The following PMFBP1 variants were observed in gnomAD, a reference collection of about 807,000 sequenced individuals.
The protein encoded by PMFBP1 is polyamine modulated factor 1 binding protein 1.
Under a neutral mutation model 137.8 loss-of-function variants are expected in PMFBP1, and 131 were observed. The observed-to-expected ratio is 0.95, with a 90% CI of 0.82 to 1.10. PMFBP1 has a LOEUF of 1.10. Among genes scored for constraint, PMFBP1 ranks in the 50% least tolerant of loss-of-function variants. The pLI is 0.00. For synonymous variants in PMFBP1, 490 were observed against 450.4 expected (o/e 1.09, Z -1.11); for missense variants, 1,199 against 1,175.4 (o/e 1.02, Z -0.29).
rs760410785 is a variant in PMFBP1 at position 72,130,531 on chromosome 16, A to C, written c.1637+2T>G. 1.2e-6 allele frequency: 2 copies of C among 1,613,934 alleles called. No individual in the cohort carries two copies. Among genetic ancestry groups the C allele is most frequent in the Non-Finnish European group, 1.7e-6 (2 of 1,179,938 alleles). Reference sequence around the variant, plus strand: ...TCTGGAGGGGAGCCTGAGCCTGGGCACCTGTTGGAGGTTTGTTCCTTCTCA... The same window carrying C: ...TCTGGAGGGGAGCCTGAGCCTGGGCCCCTGTTGGAGGTTTGTTCCTTCTCA... On this transcript the variant is annotated splice_donor_variant, in intron 11 of 20. Coordinates refer to ENST00000237353, the MANE Select transcript of PMFBP1 (RefSeq NM_031293.3). LOFTEE classifies it high-confidence loss of function.
intron 20 of PMFBP1, 81 bp from the exon 21 acceptor site, chr16:72,119,435 C>T: frequency 6.2e-7 from 1 of 1,611,936 alleles, no homozygotes; most frequent in Non-Finnish European, 8.5e-7. Flanking sequence ...GCCGCATGGC[C>T]AGGCAGCTCT....
At position 72,132,895 on chromosome 16, in the gene PMFBP1, G is replaced by C. The variant is rs1417903326; in HGVS notation, c.1300C>G (p.Gln434Glu). Residue 434 changes from glutamine to glutamate, a missense_variant, in exon 10 of 21, where the codon CAG becomes GAG. Gln to Glu is a conservative substitution (Grantham distance 29). Coordinates refer to ENST00000237353, the MANE Select transcript of PMFBP1 (RefSeq NM_031293.3). ...TCAAGTTCTGTGGCCATGCACTGCTGCTTCTCCAGCTCCTTCTCCTTTTTC... is the reference window on the plus strand; with the variant it reads ...TCAAGTTCTGTGGCCATGCACTGCTCCTTCTCCAGCTCCTTCTCCTTTTTC... ...LLKKEKELEK[Q>E]QCMATELEMT... 6.2e-7 allele frequency: 1 copy of C among 1,614,204 alleles called. No homozygotes were observed. Among genetic ancestry groups the C allele is most frequent in the South Asian group, 1.1e-5 (1 of 91,090 alleles).
chr16:72,174,834 T>C (rs1373856238), upstream of PMFBP1, among the ~76,000 whole-genome samples: 2 of 152,036 alleles, frequency 1.3e-5, no homozygotes, highest in East Asian at 3.9e-4. Flanking sequence ...TCCCACCAGC[T>C]CCCTATCACA....
chr16:72,171,573 C>T, intron 1 of PMFBP1: 1 of 276,308 alleles, frequency 3.6e-6, no homozygotes, highest in African/African-American at 2.2e-5. Context: ...TTTCTATGTA[C>T]TCTATGGCTC....
the PMFBP1 span, among the ~76,000 whole-genome samples, chr16:72,200,604 G>C: frequency 6.6e-6 from 1 of 152,198 alleles, no homozygotes; most frequent in African/African-American, 2.4e-5. Flanking sequence ...TTTTATTCCT[G>C]ATGAATTGCA....
At chr16:72,249,658 T>G in the PMFBP1 span, among the ~76,000 whole-genome samples, 5 of 151,660 alleles carry the variant, frequency 3.3e-5, no homozygotes, top group Non-Finnish European at 7.4e-5. Flanking sequence ...GTCTCACGCC[T>G]GTAATCCCAA....
chr16:72,249,387 G>T, the PMFBP1 span, among the ~76,000 whole-genome samples: 2 of 150,796 alleles, frequency 1.3e-5, no homozygotes, highest in African/African-American at 2.4e-5. Context: ...AAAAAGTATT[G>T]TATGTGTGAA....
the PMFBP1 span, among the ~76,000 whole-genome samples, chr16:72,206,290 C>T: frequency 2.0e-5 from 3 of 152,124 alleles, no homozygotes; most frequent in Non-Finnish European, 4.4e-5. Flanking sequence ...CATAGAATGT[C>T]TGACAATAGA....
At chr16:72,181,221 G>C (rs924032619), upstream of PMFBP1, among the ~76,000 whole-genome samples, 8 of 149,648 alleles carry the variant, frequency 5.3e-5, no homozygotes, top group African/African-American at 2.0e-4. Flanking sequence ...CCTGGCGACA[G>C]AGCAAGACTT....
the PMFBP1 span, among the ~76,000 whole-genome samples, chr16:72,235,598 C>A: frequency 6.6e-6 from 1 of 151,072 alleles, no homozygotes; most frequent in Admixed American, 6.6e-5. Flanking sequence ...ATCTGTAGAT[C>A]ACTTTGGGAA....
chr16:72,242,354 A>C, the PMFBP1 span, among the ~76,000 whole-genome samples: 1 of 152,250 alleles, frequency 6.6e-6, no homozygotes, highest in Admixed American at 6.5e-5. Context: ...AAATACACCA[A>C]ACAAATAAAC....
chr16:72,124,852 A>G lies in PMFBP1; in HGVS notation c.2504T>C (p.Met835Thr). 1 of 1,614,192 alleles carries G rather than the reference A, an allele frequency of 6.2e-7. No homozygotes were observed. The highest frequency in any genetic ancestry group is 8.5e-7 in the Non-Finnish European group (1 of 1,180,038). The change falls in exon 17 of 21, where the codon ATG becomes ACG. Residue 835 changes from methionine (M) to threonine (T), a missense_variant. Coordinates refer to ENST00000237353, the MANE Select transcript of PMFBP1 (RefSeq NM_031293.3). ...WQKQHQNDLK[M>T]LAAKEEQLRE... ...GAGCTGCTCCTCTTTGGCTGCCAGCATCTTGAGGTCATTCTGGTGTTGCTT... is the reference window on the plus strand; with the variant it reads ...GAGCTGCTCCTCTTTGGCTGCCAGCGTCTTGAGGTCATTCTGGTGTTGCTT...
upstream of PMFBP1, among the ~76,000 whole-genome samples, chr16:72,176,120 G>A (rs2043258706): frequency 6.6e-6 from 1 of 152,198 alleles, no homozygotes; most frequent in Non-Finnish European, 1.5e-5. Flanking sequence ...CAGTGAATAG[G>A]AACCTGACAC....
At chr16:72,204,174 ATTGT>A in the PMFBP1 span, among the ~76,000 whole-genome samples, 1 of 146,650 alleles carries the variant, frequency 6.8e-6, no homozygotes, top group Admixed American at 6.7e-5. Context: ...TTCTTGTGTT[ATTGT>A]TACTCATGCG....
rs1021760122 is a variant in PMFBP1, at chr16:72,130,130, C to T, written c.1782+83G>A. The stretch of plus-strand genomic sequence containing the variant: ...TTGGCCTCGCAAAGAGCTGAGATTA[C>T]AGGTGTGAGCCACTGCTCCTAGTCT... On this transcript the variant is annotated intron_variant, in intron 12 of 20. Coordinates refer to ENST00000237353, the MANE Select transcript of PMFBP1 (RefSeq NM_031293.3). 4.5e-6 allele frequency: 7 copies of T among 1,557,024 alleles called. No homozygotes were observed. In the Admixed American group the frequency reaches 8.5e-5, roughly 19 times the overall value.
intron 1 of PMFBP1, 49 bp from the exon 2 acceptor site, chr16:72,171,317 G>T (rs374452674): frequency 1.0e-5 from 13 of 1,285,302 alleles, no homozygotes; most frequent in Non-Finnish European, 1.4e-5. Context: ...ATGAGCCTCT[G>T]CCCTTTAAAG....
At chr16:72,205,436 G>C in the PMFBP1 span, among the ~76,000 whole-genome samples, 9 of 152,210 alleles carry the variant, frequency 5.9e-5, no homozygotes, top group African/African-American at 1.2e-4. Context: ...ATCTCCTACA[G>C]TAACCACGTG....
chr16:72,216,985 A>AC, the PMFBP1 span, among the ~76,000 whole-genome samples: 2 of 152,048 alleles, frequency 1.3e-5, no homozygotes, highest in African/African-American at 4.8e-5. Flanking sequence ...TCATCCAGAG[A>AC]CCCCGGACTC....
rs563814853 is a variant in PMFBP1, at chr16:72,137,213, C to G, written c.919-394G>C. Among the ~76,000 whole-genome samples the G allele has an allele frequency of 4.6e-5, 7 of 152,248 alleles. No homozygotes were observed. The East Asian group carries it at 1.4e-3, about 29-fold the overall frequency. ...TGTATCCCTTCCTCCCTGAGACAGA[C>G]AGTTGTTTATGGAGAATCTACTGTG... On this transcript the variant is annotated intron_variant, in intron 7 of 20. Coordinates refer to ENST00000237353, the MANE Select transcript of PMFBP1 (RefSeq NM_031293.3).
Sources: gnomAD v4.1 joint callset for allele counts (sites outside exome capture counted in the v4.1 genomes callset) on GRCh38, gnomAD v4.1.1 for gene constraint, MANE v1.5 for transcripts, NCBI Gene and HGNC (gene_info 2026-07-23, HGNC 2026-07-21) for gene names.